TMPRSS15: variants seen among roughly 807,000 people sequenced by gnomAD.
TMPRSS15 encodes enteropeptidase.
Under a neutral mutation model 125.3 loss-of-function variants are expected in TMPRSS15, and 128 were observed. That is an observed-to-expected ratio of 1.02 (90% CI 0.89 to 1.18). The LOEUF (loss-of-function observed/expected upper bound fraction) is 1.18, where lower values mean the gene tolerates loss of function less well. TMPRSS15 is among the 50% of genes most tolerant of loss of function. The pLI, the probability that TMPRSS15 is intolerant of heterozygous loss-of-function variation, is 0.00. For missense variants in TMPRSS15, 1,283 were observed against 1,212.7 expected (o/e 1.06, Z -0.86); for synonymous variants, 446 against 423.2 (o/e 1.05, Z -0.66).
rs189055722 is a variant in TMPRSS15 at position 18,449,553 on chromosome 21, T to C, written c.10+36246A>G. On this transcript the variant is annotated intron_variant, in intron 1 of 7. Coordinates refer to the TMPRSS15 transcript ENST00000422787. ...CTTTGGTTAGAATATTGAACTTTTATGTTCCTCTGTAAGATGGGATACTAA... is the reference window on the plus strand; with the variant it reads ...CTTTGGTTAGAATATTGAACTTTTACGTTCCTCTGTAAGATGGGATACTAA... Among the ~76,000 whole-genome samples, 16 of 152,278 alleles carry C rather than the reference T, an allele frequency of 1.1e-4. No individual in the cohort carries two copies. The East Asian group carries it at 3.1e-3, about 29-fold the overall frequency.
At chr21:18,316,931 T>C (rs575303302) in intron 16 of TMPRSS15, among the ~76,000 whole-genome samples, 1 of 152,224 alleles carries the variant, frequency 6.6e-6, no homozygotes, top group South Asian at 2.1e-4. Flanking sequence ...CTAACAATGG[T>C]GATGGCTGTC....
intron 17 of TMPRSS15, 96 bp downstream of exon 17, chr21:18,315,050 G>A: frequency 2.1e-6 from 2 of 961,202 alleles, no homozygotes; most frequent in Non-Finnish European, 3.3e-6. Flanking sequence ...ATCAAAACAG[G>A]TCCTAATAGA....
At chr21:18,315,292 A>G in intron 16 of TMPRSS15, 36 bp from the exon 17 acceptor site, 3 of 1,539,516 alleles carry the variant, frequency 1.9e-6, no homozygotes, top group Non-Finnish European at 2.7e-6. Flanking sequence ...TAGGATAAAG[A>G]AAACACAAAT....
chr21:18,463,941 G>A (rs918997427), intron 1 of TMPRSS15, among the ~76,000 whole-genome samples: 2 of 152,000 alleles, frequency 1.3e-5, no homozygotes, highest in Non-Finnish European at 1.5e-5. Flanking sequence ...TGGGGAAGCC[G>A]AGGTGGGTGG....
At chr21:18,271,728 C>T (rs1336629636) in intron 24 of TMPRSS15, among the ~76,000 whole-genome samples, 2 of 152,094 alleles carry the variant, frequency 1.3e-5, no homozygotes, top group Non-Finnish European at 2.9e-5. Flanking sequence ...TCCTTCCCCT[C>T]ACCTCCTAGT....
chr21:18,294,393 C>A lies in TMPRSS15; in HGVS notation c.2363G>T (p.Gly788Val). ...AQDITPKIVG[G>V]SNAKEGAWPW... ...CCAGGCCCCTTCTTTGGCATTACTTCCTCCAACAATCTTTGGGGTGATGTC... is the reference window on the plus strand; with the variant it reads ...CCAGGCCCCTTCTTTGGCATTACTTACTCCAACAATCTTTGGGGTGATGTC... Residue 788 changes from glycine (G) to valine (V), a missense_variant, in exon 21 of 25, where the codon GGA becomes GTA. Physicochemically the swap from Gly to Val is moderately radical, Grantham distance 109 (BLOSUM62 -3). Transcript: ENST00000284885. The A allele has an allele frequency of 1.9e-6, 3 of 1,614,256 alleles. No individual in the cohort carries two copies. Among genetic ancestry groups the A allele is most frequent in the Non-Finnish European group, 2.5e-6 (3 of 1,180,036 alleles).
chr21:18,379,081 C>T (rs923026012), intron 5 of TMPRSS15, among the ~76,000 whole-genome samples: 2 of 152,054 alleles, frequency 1.3e-5, no homozygotes, highest in Non-Finnish European at 2.9e-5. Flanking sequence ...AATCTGAGAA[C>T]TCAGGCATTA....
chr21:18,276,391 A>C lies in TMPRSS15; in HGVS notation c.2765-1055T>G, dbSNP rs893815916. On this transcript the variant is annotated intron_variant, in intron 23 of 24. Coordinates refer to ENST00000284885, the MANE Select transcript of TMPRSS15 (RefSeq NM_002772.3). ...ACCAGCATGGCAGTGAACATGGAGT[A>C]AACATTACTAGATAACTTTTCAAGT... Among the ~76,000 whole-genome samples, 7 of 152,372 alleles carry C rather than the reference A, an allele frequency of 4.6e-5. No individual in the cohort carries two copies. In the South Asian group the frequency reaches 6.2e-4, roughly 14 times the overall value.
In TMPRSS15 at chr21:18,328,974, C is replaced by A. The variant is rs569363641; in HGVS notation, c.1780+195G>T. ...TTAGTCCTGCTTTGTGAAGAACGTTCAAGAAAAATATTCCGTTGTCACTAT... is the reference window on the plus strand; with the variant it reads ...TTAGTCCTGCTTTGTGAAGAACGTTAAAGAAAAATATTCCGTTGTCACTAT... On this transcript the variant is annotated intron_variant, in intron 15 of 24. Transcript: ENST00000284885. 2.0e-5 allele frequency among the ~76,000 whole-genome samples: 3 copies of A among 152,196 alleles called. No homozygotes were observed. The South Asian group carries it at 6.2e-4, about 32-fold the overall frequency.
chr21:18,413,310 C>CTTT, intron 1 of TMPRSS15, among the ~76,000 whole-genome samples: 1 of 35,096 alleles, frequency 2.8e-5, no homozygotes, highest in East Asian at 1.9e-3. Context: ...TCTTTTCTTT[C>CTTT]TTTTCCTTCC....
rs538590135 is a variant in TMPRSS15 at position 18,420,453 on chromosome 21, T to A, written c.11-22124A>T. Reference sequence around the variant, plus strand: ...AGATCTTCAATATTTGGAAGTATAATAAAAATTCTCAAGTTGTAGCGAAGG... The same window carrying A: ...AGATCTTCAATATTTGGAAGTATAAAAAAAATTCTCAAGTTGTAGCGAAGG... On this transcript the variant is annotated intron_variant, in intron 1 of 7. Transcript: ENST00000422787. Among the ~76,000 whole-genome samples, 39 of 152,170 alleles carry A rather than the reference T, an allele frequency of 2.6e-4. 1 individual carries two copies. The East Asian group carries it at 5.8e-3, about 23-fold the overall frequency.
intron 23 of TMPRSS15, among the ~76,000 whole-genome samples, chr21:18,277,693 C>CTT (rs2074638481): frequency 6.6e-6 from 1 of 152,158 alleles, no homozygotes; most frequent in Non-Finnish European, 1.5e-5. Flanking sequence ...AATGTGAGTA[C>CTT]TTTGATTCTG....
chr21:18,399,767 T>C (rs2076077748), intron 1 of TMPRSS15, among the ~76,000 whole-genome samples: 2 of 152,124 alleles, frequency 1.3e-5, no homozygotes, highest in Non-Finnish European at 2.9e-5. Flanking sequence ...CAACTTTTAA[T>C]AAGTCTAAAG....
intron 1 of TMPRSS15, among the ~76,000 whole-genome samples, chr21:18,478,146 A>G (rs538573404): frequency 6.6e-6 from 1 of 152,202 alleles, no homozygotes; most frequent in East Asian, 1.9e-4. Flanking sequence ...AGTAAAGTCA[A>G]TATACATTGA....
At chr21:18,440,829 A>G (rs2076239784) in intron 1 of TMPRSS15, among the ~76,000 whole-genome samples, 1 of 152,192 alleles carries the variant, frequency 6.6e-6, no homozygotes, top group East Asian at 1.9e-4. Flanking sequence ...GTCTGATTTA[A>G]AAGAAAATTA....
At chr21:18,292,207 G>T (rs1199246071) in intron 21 of TMPRSS15, among the ~76,000 whole-genome samples, 1 of 152,208 alleles carries the variant, frequency 6.6e-6, no homozygotes, top group Non-Finnish European at 1.5e-5. Flanking sequence ...TTACTCTCAT[G>T]TAGACACAGC....
intron 12 of TMPRSS15, 65 bp downstream of exon 12, chr21:18,343,441 A>G: frequency 7.1e-7 from 1 of 1,401,398 alleles, no homozygotes; most frequent in African/African-American, 1.4e-5. Context: ...TCACTGTATC[A>G]TTCTAAATAT....
rs190019873 is a variant in TMPRSS15, at chr21:18,383,560, G to C, written c.496+67C>G. 1.4e-5 allele frequency: 22 copies of C among 1,556,494 alleles called. No homozygotes were observed. The African/African-American group carries it at 3.0e-4, about 21-fold the overall frequency. On this transcript the variant is annotated intron_variant, in intron 4 of 24. Transcript: ENST00000284885. The stretch of plus-strand genomic sequence containing the variant: ...CAAGCATGATTCCACTTCCTCCCTG[G>C]TATATTGCTAGAATTTTAATTTCAT...
chr21:18,367,256 T>C (rs1021210081), intron 6 of TMPRSS15, among the ~76,000 whole-genome samples: 1 of 151,968 alleles, frequency 6.6e-6, no homozygotes, highest in Non-Finnish European at 1.5e-5. Context: ...GAAAGAAAAA[T>C]AGTGGTTTGT....
Sources: allele counts gnomAD v4.1 joint callset (sites outside exome capture counted in the v4.1 genomes callset), GRCh38; gene constraint gnomAD v4.1.1; transcripts MANE v1.5; gene names NCBI Gene and HGNC (gene_info 2026-07-23, HGNC 2026-07-21).